The following CYFIP2 variants were observed in gnomAD, a reference collection of about 807,000 sequenced individuals.
CYFIP2 encodes the protein cytoplasmic FMR1 interacting protein 2.
A neutral mutation model predicts 158.7 loss-of-function variants in CYFIP2; 29 were observed. That is an observed-to-expected ratio of 0.18 (90% CI 0.14 to 0.25). CYFIP2 has a LOEUF of 0.25. Among genes scored for constraint, CYFIP2 ranks in the 10% least tolerant of loss-of-function variants. The pLI, the probability that CYFIP2 is intolerant of heterozygous loss-of-function variation, is 1.00. For missense variants in CYFIP2, 852 were observed against 1,639.5 expected (o/e 0.52, Z 8.29); for synonymous variants, 585 against 617.6 (o/e 0.95, Z 0.78).
chr5:157,272,111 C>T (rs547640573), intron 1 of CYFIP2, among the ~76,000 whole-genome samples: 2 of 152,316 alleles, frequency 1.3e-5, no homozygotes, highest in East Asian at 1.9e-4. Flanking sequence ...AAATGGCAAA[C>T]GAAGGGGAAA....
chr5:157,327,227 A>G (rs2113149616), intron 18 of CYFIP2, among the ~76,000 whole-genome samples: 1 of 152,350 alleles, frequency 6.6e-6, no homozygotes, highest in East Asian at 1.9e-4. Context: ...TTATGTAAGC[A>G]AAGTTTGAAG....
intron 21 of CYFIP2, among the ~76,000 whole-genome samples, chr5:157,338,472 C>G (rs1167947492): frequency 1.3e-5 from 2 of 152,330 alleles, no homozygotes; most frequent in Admixed American, 6.5e-5. Flanking sequence ...GATTTGAAGT[C>G]AAGTTACTTA....
intron 7 of CYFIP2, among the ~76,000 whole-genome samples, chr5:157,303,981 T>C (rs1382173208): frequency 6.6e-6 from 1 of 152,062 alleles, no homozygotes; most frequent in Non-Finnish European, 1.5e-5. Context: ...GATAGCACTT[T>C]CTAACCATCA....
intron 24 of CYFIP2, among the ~76,000 whole-genome samples, 185 bp downstream of exon 24, chr5:157,359,333 A>G (rs1431624286): frequency 6.6e-6 from 1 of 152,092 alleles, no homozygotes; most frequent in Non-Finnish European, 1.5e-5. Context: ...ATTCTGTTAC[A>G]TTTCTGTGCA....
chr5:157,307,401 T>C (rs1165400143), intron 8 of CYFIP2, among the ~76,000 whole-genome samples: 2 of 152,200 alleles, frequency 1.3e-5, no homozygotes, highest in Non-Finnish European at 2.9e-5. Flanking sequence ...TGGCGAGCTG[T>C]CTAACCTCCC....
intron 23 of CYFIP2, among the ~76,000 whole-genome samples, chr5:157,354,621 C>T (rs1357202039): frequency 6.6e-6 from 1 of 151,908 alleles, no homozygotes; most frequent in African/African-American, 2.4e-5. Context: ...GATTTGAATT[C>T]TCCTCATTTC....
At chr5:157,344,465 G>C (rs776476974) in intron 23 of CYFIP2, among the ~76,000 whole-genome samples, 1 of 152,172 alleles carries the variant, frequency 6.6e-6, no homozygotes. Flanking sequence ...CAAGGCTGCC[G>C]GGTTTAGTTA....
chr5:157,362,024 C>G lies in CYFIP2; in HGVS notation c.3039+426C>G, dbSNP rs149779548. ...ATTTCAGGAAAGCAGAAGTTTCAGG[C>G]AAAGTTATAAGTCATTGTATGGAGG... On this transcript the variant is annotated intron_variant, in intron 26 of 30. Coordinates refer to ENST00000620254, the MANE Select transcript of CYFIP2 (RefSeq NM_001037333.3). 2.7e-3 allele frequency among the ~76,000 whole-genome samples: 413 copies of G among 152,310 alleles called. 2 individuals carry two copies. Among genetic ancestry groups the G allele is most frequent in the African/African-American group, 9.1e-3 (380 of 41,564 alleles).
intron 23 of CYFIP2, chr5:157,343,461 C>T (rs1182431289): frequency 6.2e-7 from 1 of 1,611,084 alleles, no homozygotes; most frequent in South Asian, 1.1e-5. Context: ...TGGTAATAGT[C>T]CTCCAGGCAG....
chr5:157,392,216 C>A (rs1429125977), intron 30 of CYFIP2, among the ~76,000 whole-genome samples: 1 of 151,598 alleles, frequency 6.6e-6, no homozygotes, highest in Non-Finnish European at 1.5e-5. Flanking sequence ...TCATGGTGTC[C>A]CTTTGATGCA....
intron 26 of CYFIP2, among the ~76,000 whole-genome samples, chr5:157,379,668 C>CAAAAAAAAAAAAAAAAAAAAAAAAAAAA (rs70984468): frequency 2.7e-5 from 2 of 73,638 alleles, no homozygotes; most frequent in African/African-American, 1.0e-4. Flanking sequence ...GACCCTGTCT[C>CAAAAAAAAAAAAAAAAAAAAAAAAAAAA]AAAAAAAAAA....
At chr5:157,384,185 A>G (rs1347621883) in intron 28 of CYFIP2, 2 of 419,602 alleles carry the variant, frequency 4.8e-6, no homozygotes, top group Non-Finnish European at 9.6e-6. Context: ...CACGATGAAC[A>G]TCAAGATGAG....
At chr5:157,271,028 C>T (rs957370164) in intron 1 of CYFIP2, among the ~76,000 whole-genome samples, 1 of 152,094 alleles carries the variant, frequency 6.6e-6, no homozygotes, top group Non-Finnish European at 1.5e-5. Flanking sequence ...ACTGTGGACT[C>T]TAGACTGTGA....
chr5:157,321,315 T>G (rs1760575315), intron 15 of CYFIP2, among the ~76,000 whole-genome samples: 1 of 152,206 alleles, frequency 6.6e-6, no homozygotes, highest in Admixed American at 6.5e-5. Context: ...AATGAAAACT[T>G]TGGATGAGAT....
chr5:157,322,876 C>A, intron 15 of CYFIP2: 1 of 1,423,994 alleles, frequency 7.0e-7, no homozygotes, highest in Non-Finnish European at 9.6e-7. Context: ...CTCTTTCTCT[C>A]TCTCCCTCTT....
chr5:157,378,891 T>G (rs1224313693), intron 26 of CYFIP2, among the ~76,000 whole-genome samples: 2 of 152,238 alleles, frequency 1.3e-5, no homozygotes, highest in Non-Finnish European at 2.9e-5. Context: ...CCTCTTCATT[T>G]TGTTTAAGTT....
Position 157,393,369 on chromosome 5 carries a change from G to A in CYFIP2, c.*369G>A, listed in dbSNP as rs1057060066. 1.7e-5 allele frequency: 3 copies of A among 173,272 alleles called. No individual in the cohort carries two copies. The highest frequency in any genetic ancestry group is 6.0e-5 in the Admixed American group (1 of 16,664). 10.7% of individuals were successfully genotyped at this position (173,272 alleles called of 1,614,324 possible). A position where few individuals can be genotyped will look rare whatever the true frequency, so the allele number is the denominator to read the frequency against. On this transcript the variant is annotated 3_prime_UTR_variant, in exon 31 of 31. Transcript: ENST00000620254. Reference sequence around the variant, plus strand: ...TCCCAAGATAGACATCTCCTACCCAGTGCCCTTGTGTGACCCCAGGACTCA... The same window carrying A: ...TCCCAAGATAGACATCTCCTACCCAATGCCCTTGTGTGACCCCAGGACTCA...
intron 19 of CYFIP2, 100 bp from the exon 20 acceptor site, chr5:157,330,642 C>G: frequency 1.2e-6 from 1 of 864,760 alleles, no homozygotes; most frequent in African/African-American, 1.7e-5. Flanking sequence ...TAAGATAGTG[C>G]TCTGTGGGTA....
chr5:157,375,855 T>C (rs992667642), intron 26 of CYFIP2: 4 of 152,024 alleles, frequency 2.6e-5, no homozygotes, highest in Admixed American at 1.3e-4. Flanking sequence ...CTCCAGCGCT[T>C]AAGAAGCAGG....
Sources: gnomAD v4.1 joint callset for allele counts (sites outside exome capture counted in the v4.1 genomes callset) on GRCh38, gnomAD v4.1.1 for gene constraint, MANE v1.5 for transcripts, NCBI Gene and HGNC (gene_info 2026-07-23, HGNC 2026-07-21) for gene names.